The following CREBRF variants were observed in gnomAD, a reference collection of about 807,000 sequenced individuals.
CREBRF encodes CREB3 regulatory factor, also known as UPF0474 protein C5orf41.
A neutral mutation model predicts 66.1 loss-of-function variants in CREBRF; 5 were observed. The ratio of observed to expected loss-of-function variants is 0.08; its 90% confidence interval spans 0.04 to 0.16. CREBRF has a LOEUF of 0.16. Among genes scored for constraint, CREBRF ranks in the 10% least tolerant of loss-of-function variants. The pLI is 1.00. For synonymous variants in CREBRF, 229 were observed against 264.4 expected (o/e 0.87, Z 1.30); for missense variants, 531 against 744.9 (o/e 0.71, Z 3.34).
At chr5:173,084,284 A>G (rs1758058500) in intron 2 of CREBRF, among the ~76,000 whole-genome samples, 1 of 152,100 alleles carries the variant, frequency 6.6e-6, no homozygotes, top group Non-Finnish European at 1.5e-5. Flanking sequence ...CTGAAAAACA[A>G]ACTGCACACT....
At chr5:173,112,226 A>G (rs1758886507) in intron 6 of CREBRF, 80 bp from the exon 7 acceptor site, 8 of 996,518 alleles carry the variant, frequency 8.0e-6, no homozygotes, top group Middle Eastern at 6.7e-4. Context: ...CAACATAGCG[A>G]GACCCCTTCT....
rs1245422592 is a variant in CREBRF, at chr5:173,135,129, C to G, written c.*1384C>G. 6.6e-6 allele frequency: 1 copy of G among 152,152 alleles called. No individual in the cohort carries two copies. The highest frequency in any genetic ancestry group is 2.4e-5 in the African/African-American group (1 of 41,340). 9.4% of individuals were successfully genotyped at this position (152,152 alleles called of 1,614,324 possible). A position where few individuals can be genotyped will look rare whatever the true frequency, so the allele number is the denominator to read the frequency against. ...CTAAAAATATCTAATTCTTTAGTTG[C>G]CACTTTTCCGATTGATGTATTATTG... is the stretch of plus-strand genomic sequence containing the variant. On this transcript the variant is annotated 3_prime_UTR_variant, in exon 9 of 9. Transcript: ENST00000296953.
intron 1 of CREBRF, among the ~76,000 whole-genome samples, chr5:173,076,848 C>T (rs1426150876): frequency 1.3e-5 from 2 of 151,766 alleles, no homozygotes; most frequent in African/African-American, 4.8e-5. Context: ...GGAACAAGAC[C>T]TCTGGTCACA....
intron 1 of CREBRF, among the ~76,000 whole-genome samples, chr5:173,078,123 T>C (rs563456607): frequency 2.6e-5 from 4 of 152,358 alleles, no homozygotes; most frequent in African/African-American, 9.6e-5. Context: ...GGATTTCGCT[T>C]TTTGAAGAAA....
At chr5:173,098,286 C>T in intron 4 of CREBRF, among the ~76,000 whole-genome samples, 1 of 151,460 alleles carries the variant, frequency 6.6e-6, no homozygotes, top group Admixed American at 6.6e-5. Flanking sequence ...CTCCCGGGTT[C>T]AGCCATTCTC....
chr5:173,082,510 T>G (rs904728696), intron 2 of CREBRF, among the ~76,000 whole-genome samples: 1 of 151,554 alleles, frequency 6.6e-6, no homozygotes, highest in African/African-American at 2.4e-5. Context: ...AAGTCCGGTT[T>G]GTGAAAGATA....
At chr5:173,061,722 A>C (rs987962535) in intron 1 of CREBRF, among the ~76,000 whole-genome samples, 2 of 152,208 alleles carry the variant, frequency 1.3e-5, no homozygotes, top group Non-Finnish European at 2.9e-5. Context: ...TTGAAGAATT[A>C]AAGAGAGTAG....
At chr5:173,067,828 A>C (rs1179293616) in intron 1 of CREBRF, among the ~76,000 whole-genome samples, 2 of 152,002 alleles carry the variant, frequency 1.3e-5, no homozygotes, top group Non-Finnish European at 2.9e-5. Context: ...GTGAAACCCC[A>C]TCTCTACTAA....
chr5:173,108,673 T>C lies in CREBRF; in HGVS notation c.1272T>C (p.Ser424=), dbSNP rs1467770622. The C allele has an allele frequency of 1.2e-6, 2 of 1,613,860 alleles. No individual in the cohort carries two copies. Among genetic ancestry groups the C allele is most frequent in the Admixed American group, 3.3e-5 (2 of 59,940 alleles). ...VEDLKEVTSI[S]SRKRGKRRYF... ...ACCTGAAGGAGGTGACTTCAATATC[T>C]TCACGGAAGAGAGGTAAAAGAAGAT... Residue 424 remains serine, a synonymous_variant, in exon 5 of 9, where the codon TCT becomes TCC. Coordinates refer to ENST00000296953, the MANE Select transcript of CREBRF (RefSeq NM_153607.3).
chr5:173,099,650 G>T (rs1291675226), intron 4 of CREBRF, among the ~76,000 whole-genome samples: 1 of 151,990 alleles, frequency 6.6e-6, no homozygotes, highest in Non-Finnish European at 1.5e-5. Context: ...CTTCCTCTGT[G>T]ATTTGCTGGT....
chr5:173,121,351 C>G (rs1463314108), intron 7 of CREBRF, among the ~76,000 whole-genome samples: 1 of 147,576 alleles, frequency 6.8e-6, no homozygotes, highest in Non-Finnish European at 1.5e-5. Flanking sequence ...GAGTTGGAGT[C>G]TTGCTCTGTT....
intron 1 of CREBRF, among the ~76,000 whole-genome samples, chr5:173,078,289 A>G (rs927707858): frequency 2.6e-5 from 4 of 152,100 alleles, no homozygotes; most frequent in Non-Finnish European, 5.9e-5. Context: ...TACTGTGATG[A>G]ATGTTAGATG....
chr5:173,117,683 T>G (rs1759035662), intron 7 of CREBRF, among the ~76,000 whole-genome samples: 1 of 132,314 alleles, frequency 7.6e-6, no homozygotes, highest in African/African-American at 2.8e-5. Context: ...TCTCTCTCTC[T>G]CTCTCTCCTC....
At chr5:173,092,538 G>A (rs1048585498) in intron 4 of CREBRF, among the ~76,000 whole-genome samples, 1 of 152,040 alleles carries the variant, frequency 6.6e-6, no homozygotes, top group African/African-American at 2.4e-5. Context: ...TTAAACTAAA[G>A]TTATCTTCTT....
chr5:173,099,270 C>T lies in CREBRF; in HGVS notation c.1222+7869C>T, dbSNP rs140547691. ...TGCCAGACTCAAGCAATCTTCCCAC[C>T]TCAGTCTCCTGAGTAGTTAGGACTA... On this transcript the variant is annotated intron_variant, in intron 4 of 8. Coordinates refer to ENST00000296953, the MANE Select transcript of CREBRF (RefSeq NM_153607.3). Among the ~76,000 whole-genome samples, 28 of 152,268 alleles carry T rather than the reference C, an allele frequency of 1.8e-4. No individual in the cohort carries two copies. The East Asian group carries it at 5.0e-3, about 27-fold the overall frequency.
intron 1 of CREBRF, among the ~76,000 whole-genome samples, 151 bp downstream of exon 1, chr5:173,056,630 T>A (rs1369234356): frequency 1.3e-5 from 2 of 151,128 alleles, no homozygotes; most frequent in Non-Finnish European, 3.0e-5. Context: ...CACGGCCGAG[T>A]GCTAGGGCGC....
intron 8 of CREBRF, among the ~76,000 whole-genome samples, chr5:173,127,418 A>G (rs557219260): frequency 6.8e-6 from 1 of 147,724 alleles, no homozygotes; most frequent in Admixed American, 6.7e-5. Flanking sequence ...TCAAAGTGCT[A>G]TAGTCATGAG....
At chr5:173,101,644 C>T (rs1187788907) in intron 4 of CREBRF, among the ~76,000 whole-genome samples, 1 of 151,982 alleles carries the variant, frequency 6.6e-6, no homozygotes, top group Non-Finnish European at 1.5e-5. Context: ...CCTCTGCCTC[C>T]TGGGTTCAAG....
Position 173,110,504 on chromosome 5 carries a change from C to CT in CREBRF, c.1418-14dup, listed in dbSNP as rs1758847275. 3 of 1,593,836 alleles carry CT rather than the reference C, an allele frequency of 1.9e-6. No homozygotes were observed. The highest frequency in any genetic ancestry group is 2.6e-6 in the Non-Finnish European group (3 of 1,161,660). ...AATTAAAGTGATCTGACTTAAACTT[C>CT]TTTTAAACTGTTTATAGGAAAATAT... On this transcript the variant is annotated splice_polypyrimidine_tract_variant and intron_variant, in intron 5 of 8. Coordinates refer to ENST00000296953, the MANE Select transcript of CREBRF (RefSeq NM_153607.3).
Sources: allele counts gnomAD v4.1 joint callset (sites outside exome capture counted in the v4.1 genomes callset), GRCh38; gene constraint gnomAD v4.1.1; transcripts MANE v1.5; gene names NCBI Gene and HGNC (gene_info 2026-07-23, HGNC 2026-07-21).